ANO1: variants seen among roughly 807,000 people sequenced by gnomAD.
ANO1 encodes the protein anoctamin-1.
In ANO1, 59 loss-of-function variants were observed where a neutral mutation model predicts 124.0. That is an observed-to-expected ratio of 0.48 (90% CI 0.39 to 0.59). The LOEUF is 0.59. Among genes scored for constraint, ANO1 ranks in the 20% least tolerant of loss-of-function variants. ANO1 has a pLI of 0.00. For synonymous variants in ANO1, 529 were observed against 532.0 expected, an observed-to-expected ratio of 0.99 and a Z score of 0.08; for missense variants, 1,059 against 1,328.0, an observed-to-expected ratio of 0.80 and a Z score of 3.15.
chr11:70,182,551 T>A lies in ANO1; in HGVS notation c.2453T>A (p.Leu818His). 1 of 1,611,492 alleles carries A rather than the reference T, an allele frequency of 6.2e-7. No homozygotes were observed. Among genetic ancestry groups the A allele is most frequent in the Non-Finnish European group, 8.5e-7 (1 of 1,178,808 alleles). Residue 818 changes from leucine to histidine, a missense_variant, in exon 24 of 26, where the codon CTC becomes CAC. By Grantham distance (99) the Leu-to-His change is moderately conservative. Coordinates refer to ENST00000355303, the MANE Select transcript of ANO1 (RefSeq NM_018043.7). ...GACTTCATCCCGCGCCTGGTGTACC[T>A]CTACATGTACAGTAAGAACGGGACC... The part of the protein sequence containing the change: ...TSDFIPRLVY[L>H]YMYSKNGTMH...
At position 70,091,201 on chromosome 11, in the gene ANO1, C is replaced by T. The variant is rs1000515878; in HGVS notation, c.441+3117C>T. ...AGCACTCTTGGGAATGAACCTTTCC[C>T]GGAGGGGTGCTCAGATTACAACGAG... On this transcript the variant is annotated intron_variant, in intron 2 of 25. Coordinates refer to ENST00000355303, the MANE Select transcript of ANO1 (RefSeq NM_018043.7). Among the ~76,000 whole-genome samples the T allele has an allele frequency of 4.6e-5, 7 of 152,304 alleles. No individual in the cohort carries two copies. The South Asian group carries it at 1.2e-3, about 27-fold the overall frequency.
At chr11:70,127,133 A>C (rs569917322) in intron 10 of ANO1, among the ~76,000 whole-genome samples, 1 of 146,464 alleles carries the variant, frequency 6.8e-6, no homozygotes, top group African/African-American at 2.6e-5. Context: ...CCAGGAGGTG[A>C]GACGTGAACG....
chr11:70,118,657 T>C (rs2046096578), intron 8 of ANO1, among the ~76,000 whole-genome samples: 1 of 92,238 alleles, frequency 1.1e-5, no homozygotes, highest in Non-Finnish European at 2.0e-5. Flanking sequence ...GAATAGATGA[T>C]TGATGGGTGG....
chr11:70,125,440 T>G (rs10898612), intron 9 of ANO1, among the ~76,000 whole-genome samples: 1 of 148,912 alleles, frequency 6.7e-6, no homozygotes, highest in Admixed American at 6.7e-5. Context: ...CGCTTGAACC[T>G]GAGAGGCGGA....
intron 1 of ANO1, among the ~76,000 whole-genome samples, chr11:70,028,724 C>G (rs576584313): frequency 2.0e-5 from 3 of 152,134 alleles, no homozygotes; most frequent in Non-Finnish European, 4.4e-5. Context: ...TCCTCTGCTC[C>G]GTGCTCTGAC....
intron 1 of ANO1, among the ~76,000 whole-genome samples, chr11:70,043,364 T>C (rs1161953289): frequency 6.6e-6 from 1 of 152,160 alleles, no homozygotes; most frequent in Non-Finnish European, 1.5e-5. Context: ...TAGTCCAACA[T>C]ACCTGTGCTA....
chr11:69,971,163 G>A, the ANO1 span, among the ~76,000 whole-genome samples: 4 of 152,202 alleles, frequency 2.6e-5, no homozygotes, highest in Middle Eastern at 6.8e-3. Context: ...CCCTGTGCTG[G>A]GGGGGCACCA....
chr11:70,035,898 C>G lies in ANO1; in HGVS notation c.59-42644C>G, dbSNP rs566422922. 8.5e-5 allele frequency among the ~76,000 whole-genome samples: 13 copies of G among 152,232 alleles called. No homozygotes were observed. In the South Asian group the frequency reaches 2.5e-3, roughly 29 times the overall value. ...CATAGTATTCCATGGTGTATATGTGCCACATTTTCTTTATCCAATCTATCA... is the reference window on the plus strand; with the variant it reads ...CATAGTATTCCATGGTGTATATGTGGCACATTTTCTTTATCCAATCTATCA... On this transcript the variant is annotated intron_variant, in intron 1 of 27. Coordinates refer to the ANO1 transcript ENST00000531349.
At chr11:69,989,106 G>C (rs782597226) in intron 1 of ANO1, among the ~76,000 whole-genome samples, 2 of 152,162 alleles carry the variant, frequency 1.3e-5, no homozygotes, top group African/African-American at 4.8e-5. Context: ...GCATCATCAT[G>C]TACAATCCCC....
the ANO1 span, among the ~76,000 whole-genome samples, chr11:69,969,200 C>T: frequency 0.031 from 4,716 of 152,270 alleles, 110 homozygotes; most frequent in Non-Finnish European, 0.049. Flanking sequence ...GCACAGCTGC[C>T]GGTGGAAAGC....
intron 1 of ANO1, among the ~76,000 whole-genome samples, chr11:70,057,172 A>G (rs1555006990): frequency 6.6e-6 from 1 of 152,014 alleles, no homozygotes; most frequent in East Asian, 1.9e-4. Context: ...GCTTCCTGGC[A>G]TGTGTGGTGA....
chr11:70,143,875 G>T (rs1183390240), intron 11 of ANO1, among the ~76,000 whole-genome samples: 1 of 152,240 alleles, frequency 6.6e-6, no homozygotes, highest in East Asian at 1.9e-4. Context: ...CATTTTAGGT[G>T]CACAATTCAG....
intron 24 of ANO1, among the ~76,000 whole-genome samples, chr11:70,185,071 G>A (rs937173376): frequency 6.6e-6 from 1 of 152,172 alleles, no homozygotes; most frequent in Admixed American, 6.5e-5. Flanking sequence ...CCCTCAAAGA[G>A]GGGATGGACT....
chr11:70,171,094 G>C, intron 22 of ANO1, 55 bp downstream of exon 22: 1 of 1,573,276 alleles, frequency 6.4e-7, no homozygotes, highest in Non-Finnish European at 8.6e-7. Context: ...TGGGTTTGGG[G>C]AGGGGGTTGC....
intron 1 of ANO1, among the ~76,000 whole-genome samples, chr11:69,990,727 C>A (rs55796101): frequency 0.064 from 9,740 of 152,206 alleles, 428 homozygotes; most frequent in South Asian, 0.11. Context: ...TTTTCACTGC[C>A]TAATCACTAT....
At chr11:70,085,529 G>A in intron 1 of ANO1, 1 of 1,536,096 alleles carries the variant, frequency 6.5e-7, no homozygotes, top group Non-Finnish European at 8.7e-7. Flanking sequence ...ATGCTGACCA[G>A]GCCCTCCCAG....
Position 70,105,803 on chromosome 11 carries a change from C to T in ANO1, c.747+15C>T, listed in dbSNP as rs777215792. The T allele has an allele frequency of 2.0e-5, 33 of 1,611,470 alleles. No homozygotes were observed. Among genetic ancestry groups the T allele is most frequent in the Admixed American group, 3.3e-5 (2 of 59,916 alleles). On this transcript the variant is annotated intron_variant, in intron 5 of 25. Transcript: ENST00000355303. ...GGAGCACGATTGTAAGTATCGCACG[C>T]GCCTGGAAACGGCTCACTGGCAAGA...
intron 8 of ANO1, among the ~76,000 whole-genome samples, chr11:70,119,602 GA>G (rs1299952751): frequency 6.7e-6 from 1 of 149,530 alleles, no homozygotes; most frequent in Non-Finnish European, 1.5e-5. Flanking sequence ...ATGGAAAGAT[GA>G]ATGATGGATG....
intron 1 of ANO1, among the ~76,000 whole-genome samples, chr11:70,032,892 G>A (rs553387782): frequency 6.6e-6 from 1 of 150,616 alleles, no homozygotes; most frequent in South Asian, 2.1e-4. Flanking sequence ...AGGAGGGAGA[G>A]AGAGAAGGGA....
Sources: gnomAD v4.1 joint callset for allele counts (sites outside exome capture counted in the v4.1 genomes callset) on GRCh38, gnomAD v4.1.1 for gene constraint, MANE v1.5 for transcripts, NCBI Gene and HGNC (gene_info 2026-07-23, HGNC 2026-07-21) for gene names.